The following NBAS variants were observed in gnomAD, a reference collection of about 807,000 sequenced individuals.
The protein encoded by NBAS is NAG/BC035112 fusion.
A neutral mutation model predicts 302.5 loss-of-function variants in NBAS; 219 were observed. That is an observed-to-expected ratio of 0.72 (90% confidence interval 0.65 to 0.81). NBAS has a LOEUF of 0.81. Ranked by LOEUF, NBAS falls within the 30% of genes least tolerant of loss-of-function variation. The pLI, the probability that NBAS is intolerant of heterozygous loss-of-function variation, is 0.00. For synonymous variants in NBAS, 1,118 were observed against 1,021.6 expected, an observed-to-expected ratio of 1.09 and a Z score of -1.80; for missense variants, 2,932 against 2,841.6, an observed-to-expected ratio of 1.03 and a Z score of -0.72.
chr2:15,446,735 T>A (rs897443137), intron 21 of NBAS, among the ~76,000 whole-genome samples: 5 of 152,106 alleles, frequency 3.3e-5, no homozygotes, highest in Non-Finnish European at 5.9e-5. Context: ...GTTAAATGTA[T>A]GGCAACAATA....
the NBAS span, among the ~76,000 whole-genome samples, chr2:14,889,407 A>G: frequency 6.6e-6 from 1 of 152,178 alleles, no homozygotes. Flanking sequence ...CTGACTCCAC[A>G]CTTCTGTGAG....
At chr2:15,069,153 T>C in the NBAS span, among the ~76,000 whole-genome samples, 1 of 152,220 alleles carries the variant, frequency 6.6e-6, no homozygotes, top group African/African-American at 2.4e-5. Context: ...TACCACATTA[T>C]GGATTAAATT....
At chr2:14,883,985 T>A in the NBAS span, among the ~76,000 whole-genome samples, 14 of 144,920 alleles carry the variant, frequency 9.7e-5, no homozygotes, top group African/African-American at 2.5e-4. Flanking sequence ...AAAAATAAAA[T>A]AAAATAAAGA....
chr2:14,782,859 G>C, the NBAS span, among the ~76,000 whole-genome samples: 1 of 152,130 alleles, frequency 6.6e-6, no homozygotes, highest in African/African-American at 2.4e-5. Context: ...CAGAAGAACA[G>C]AAAACCAAAT....
At chr2:14,929,041 A>C in the NBAS span, among the ~76,000 whole-genome samples, 6 of 152,206 alleles carry the variant, frequency 3.9e-5, no homozygotes, top group Non-Finnish European at 5.9e-5. Flanking sequence ...CATGGACTGG[A>C]AAGCACCAAA....
chr2:15,303,439 C>T (rs1670896827), intron 40 of NBAS, among the ~76,000 whole-genome samples: 1 of 152,168 alleles, frequency 6.6e-6, no homozygotes. Flanking sequence ...ACACACTTTC[C>T]ACCAAGTGGA....
At chr2:15,218,573 G>A (rs1205462504) in intron 48 of NBAS, among the ~76,000 whole-genome samples, 200 bp downstream of exon 48, 4 of 152,128 alleles carry the variant, frequency 2.6e-5, no homozygotes, top group Admixed American at 6.5e-5. Context: ...ACAGATGCGT[G>A]CCACCACACC....
chr2:15,393,005 T>G (rs1383385358), intron 28 of NBAS, among the ~76,000 whole-genome samples: 1 of 151,994 alleles, frequency 6.6e-6, no homozygotes, highest in African/African-American at 2.4e-5. Flanking sequence ...GGTAATTCAG[T>G]AGAGAAAGGA....
At chr2:14,788,115 G>A in the NBAS span, among the ~76,000 whole-genome samples, 54 of 152,042 alleles carry the variant, frequency 3.6e-4, no homozygotes, top group East Asian at 5.8e-3. Context: ...TGATCGCATC[G>A]GCTCCTGAGG....
chr2:15,544,193 G>A (rs916902261), intron 6 of NBAS, among the ~76,000 whole-genome samples: 1 of 152,130 alleles, frequency 6.6e-6, no homozygotes, highest in Non-Finnish European at 1.5e-5. Context: ...GAACCAGTGA[G>A]CAAGGGCAAA....
chr2:15,503,467 C>G (rs1038671280), intron 11 of NBAS, among the ~76,000 whole-genome samples: 2 of 152,156 alleles, frequency 1.3e-5, no homozygotes. Flanking sequence ...TTTGATTTTC[C>G]TCCAAGACAG....
chr2:15,060,544 A>G, the NBAS span, among the ~76,000 whole-genome samples: 3 of 152,142 alleles, frequency 2.0e-5, no homozygotes, highest in Non-Finnish European at 4.4e-5. Flanking sequence ...CACACAGGGC[A>G]AGCCTCCTGC....
intron 44 of NBAS, among the ~76,000 whole-genome samples, chr2:15,249,137 C>T (rs1356203739): frequency 1.3e-5 from 2 of 152,172 alleles, no homozygotes; most frequent in East Asian, 1.9e-4. Context: ...AGCTTCATCC[C>T]GGGGATGCGA....
At chr2:15,445,374 A>C (rs986300614) in intron 21 of NBAS, among the ~76,000 whole-genome samples, 10 of 149,568 alleles carry the variant, frequency 6.7e-5, no homozygotes, top group Admixed American at 2.7e-4. Flanking sequence ...ATGAAATTGG[A>C]AATCATCATT....
chr2:15,261,696 C>G (rs1426402511), intron 44 of NBAS, among the ~76,000 whole-genome samples: 11 of 152,076 alleles, frequency 7.2e-5, no homozygotes, highest in Admixed American at 7.2e-4. Flanking sequence ...TGAAGGTCAC[C>G]TTTATCTTCA....
intron 25 of NBAS, among the ~76,000 whole-genome samples, chr2:15,403,864 C>CGTGTGTGTGTGTGTGTGTGT (rs10624311): frequency 1.5e-5 from 2 of 135,412 alleles, no homozygotes; most frequent in Non-Finnish European, 1.5e-5. Context: ...TTCCTTCCTT[C>CGTGTGTGTGTGTGTGTGTGT]GTGTGTGTGT....
chr2:15,101,571 C>A, the NBAS span, among the ~76,000 whole-genome samples: 1 of 152,022 alleles, frequency 6.6e-6, no homozygotes, highest in African/African-American at 2.4e-5. Flanking sequence ...TCTCCTCTGA[C>A]TTTGAGTTGG....
At chr2:14,794,908 C>T in the NBAS span, among the ~76,000 whole-genome samples, 1 of 152,114 alleles carries the variant, frequency 6.6e-6, no homozygotes, top group Non-Finnish European at 1.5e-5. Flanking sequence ...TTGAGATACA[C>T]CTATGTTGTT....
chr2:14,917,265 G>A, the NBAS span, among the ~76,000 whole-genome samples: 4 of 152,146 alleles, frequency 2.6e-5, no homozygotes, highest in Non-Finnish European at 5.9e-5. Flanking sequence ...CTGCTGCCAA[G>A]CTCACTCACA....
Sources: gnomAD v4.1 joint callset for allele counts (sites outside exome capture counted in the v4.1 genomes callset) on GRCh38, gnomAD v4.1.1 for gene constraint, MANE v1.5 for transcripts, NCBI Gene and HGNC (gene_info 2026-07-23, HGNC 2026-07-21) for gene names.